The following SIL1 variants were observed in gnomAD, a reference collection of about 807,000 sequenced individuals.
The protein encoded by SIL1 is SIL1 nucleotide exchange factor, also known as nucleotide exchange factor SIL1.
SIL1 carries 40 observed loss-of-function variants against 49.1 expected under a neutral mutation model. The ratio of observed to expected loss-of-function variants is 0.81; its 90% CI spans 0.63 to 1.06. The LOEUF (loss-of-function observed/expected upper bound fraction) is 1.06, where lower values mean the gene tolerates loss of function less well. SIL1 is among the 50% of genes least tolerant of loss of function. The probability of loss-of-function intolerance (pLI) is 0.00; values close to 1 mark genes in which losing one functional copy is unlikely to be tolerated. For missense variants in SIL1, 500 were observed against 572.6 expected (o/e 0.87, Z 1.29); for synonymous variants, 253 against 250.8 (o/e 1.01, Z -0.08).
chr5:139,116,254 G>C (rs555129942), intron 3 of SIL1, among the ~76,000 whole-genome samples: 2 of 152,310 alleles, frequency 1.3e-5, no homozygotes, highest in East Asian at 3.9e-4. Context: ...CAGATGGCTG[G>C]TGCTCTATAA....
chr5:139,084,707 C>T (rs1770171802), intron 3 of SIL1, among the ~76,000 whole-genome samples: 2 of 141,612 alleles, frequency 1.4e-5, no homozygotes, highest in African/African-American at 2.6e-5. Flanking sequence ...GTGGGTGCAG[C>T]GCACCAGCAT....
intron 7 of SIL1, among the ~76,000 whole-genome samples, chr5:139,005,344 A>G (rs1768088577): frequency 6.6e-6 from 1 of 151,204 alleles, no homozygotes; most frequent in Non-Finnish European, 1.5e-5. Flanking sequence ...TTTTGCCCAT[A>G]CTTTTGATAA....
At position 139,056,484 on chromosome 5, in the gene SIL1, C is replaced by T. The variant is rs1769428562; in HGVS notation, c.245-5438G>A. ...GAGCGTCTCCGCCCGGCAGCCACCC[C>T]GTCCGGGAGGGAGGTGGGGGTCAGC... is the stretch of plus-strand genomic sequence containing the variant. On this transcript the variant is annotated intron_variant, in intron 3 of 9. Transcript: ENST00000394817. 5.3e-5 allele frequency among the ~76,000 whole-genome samples: 8 copies of T among 151,094 alleles called. No individual in the cohort carries two copies. The South Asian group carries it at 1.5e-3, about 28-fold the overall frequency.
intron 3 of SIL1, among the ~76,000 whole-genome samples, chr5:139,100,189 C>T (rs1235024018): frequency 6.6e-6 from 1 of 152,096 alleles, no homozygotes; most frequent in African/African-American, 2.4e-5. Flanking sequence ...TCCAATATTA[C>T]CTTACTTATT....
chr5:139,025,794 T>A (rs545488017), intron 6 of SIL1, among the ~76,000 whole-genome samples: 1 of 152,336 alleles, frequency 6.6e-6, no homozygotes, highest in South Asian at 2.1e-4. Context: ...TGGCAAACTT[T>A]TTCTAAAGGG....
intron 1 of SIL1, among the ~76,000 whole-genome samples, chr5:139,164,696 T>G (rs1357388500): frequency 1.2e-4 from 19 of 152,114 alleles, no homozygotes; most frequent in Non-Finnish European, 2.9e-5. Flanking sequence ...ATGAAGAAAC[T>G]AAGTCACAGA....
intron 7 of SIL1, among the ~76,000 whole-genome samples, chr5:139,002,396 A>G (rs921796154): frequency 5.3e-5 from 8 of 152,104 alleles, no homozygotes; most frequent in Non-Finnish European, 1.2e-4. Context: ...TGAGCGTAAG[A>G]TTTTCTGAAC....
At chr5:139,169,350 G>T (rs990482030) in intron 1 of SIL1, among the ~76,000 whole-genome samples, 1 of 152,092 alleles carries the variant, frequency 6.6e-6, no homozygotes, top group Non-Finnish European at 1.5e-5. Flanking sequence ...AAAGGCAAAA[G>T]ATCTGCTTTC....
At chr5:139,161,117 C>A (rs199701108) in intron 1 of SIL1, among the ~76,000 whole-genome samples, 1 of 151,964 alleles carries the variant, frequency 6.6e-6, no homozygotes, top group South Asian at 2.1e-4. Context: ...GTGGCGCATG[C>A]CTGTAATTCC....
chr5:139,189,802 T>C (rs1213460458), intron 1 of SIL1, among the ~76,000 whole-genome samples: 1 of 152,112 alleles, frequency 6.6e-6, no homozygotes, highest in Non-Finnish European at 1.5e-5. Context: ...GCCTGGGTGA[T>C]GGAGTGAGAC....
intron 1 of SIL1, among the ~76,000 whole-genome samples, chr5:139,188,604 T>A (rs1752116152): frequency 6.6e-6 from 1 of 152,232 alleles, no homozygotes; most frequent in Non-Finnish European, 1.5e-5. Context: ...ACAGTCAACT[T>A]GAGCACAAAA....
intron 1 of SIL1, among the ~76,000 whole-genome samples, chr5:139,171,065 C>T (rs1280129435): frequency 4.1e-5 from 6 of 146,888 alleles, no homozygotes; most frequent in South Asian, 2.2e-4. Context: ...CTGCCCCGTC[C>T]GGGAGGGAGG....
intron 1 of SIL1, among the ~76,000 whole-genome samples, chr5:139,129,260 G>A (rs1284735804): frequency 6.6e-6 from 1 of 152,208 alleles, no homozygotes. Context: ...CAGACCAATG[G>A]AATAAAATTG....
At chr5:139,012,343 T>C (rs893170413) in intron 7 of SIL1, 2 of 152,262 alleles carry the variant, frequency 1.3e-5, no homozygotes, top group African/African-American at 4.8e-5. Context: ...ATGACCATGC[T>C]ACCCTGAATG....
At chr5:139,012,203 C>G (rs1439752041) in intron 7 of SIL1, 2 of 152,286 alleles carry the variant, frequency 1.3e-5, no homozygotes, top group Non-Finnish European at 2.9e-5. Context: ...CAGAAACATA[C>G]CACCAGACCC....
At chr5:139,113,320 TAAA>T (rs1770914551) in intron 3 of SIL1, among the ~76,000 whole-genome samples, 1 of 117,876 alleles carries the variant, frequency 8.5e-6, no homozygotes, top group Non-Finnish European at 1.9e-5. Flanking sequence ...AATAAATAAA[TAAA>T]TAAATTTAAA....
At chr5:139,088,996 G>A (rs1013056245) in intron 3 of SIL1, among the ~76,000 whole-genome samples, 1 of 152,128 alleles carries the variant, frequency 6.6e-6, no homozygotes, top group Non-Finnish European at 1.5e-5. Flanking sequence ...TCGGCTTCAG[G>A]AGAACCCAAC....
At chr5:139,040,334 G>A (rs1025146084) in intron 5 of SIL1, among the ~76,000 whole-genome samples, 1 of 152,096 alleles carries the variant, frequency 6.6e-6, no homozygotes, top group Non-Finnish European at 1.5e-5. Flanking sequence ...CTCAGTGATG[G>A]TGCTAACAAC....
chr5:139,102,148 A>T (rs1770601675), intron 3 of SIL1, among the ~76,000 whole-genome samples: 1 of 152,234 alleles, frequency 6.6e-6, no homozygotes, highest in African/African-American at 2.4e-5. Context: ...CAACCGTAAG[A>T]ATTAAGTATA....
Sources: gnomAD v4.1 joint callset for allele counts (sites outside exome capture counted in the v4.1 genomes callset) on GRCh38, gnomAD v4.1.1 for gene constraint, MANE v1.5 for transcripts, NCBI Gene and HGNC (gene_info 2026-07-23, HGNC 2026-07-21) for gene names.